Variants in ZNF277 observed in about 807,000 individuals in gnomAD.
The protein encoded by ZNF277 is zinc finger protein 277.
A neutral mutation model predicts 60.7 loss-of-function variants in ZNF277; 55 were observed. The ratio of observed to expected loss-of-function variants is 0.91; its 90% confidence interval spans 0.73 to 1.13. The LOEUF is 1.13. Ranked by LOEUF, ZNF277 falls within the 50% of genes most tolerant of loss-of-function variation. The pLI, the probability that ZNF277 is intolerant of heterozygous loss-of-function variation, is 0.00. For missense variants in ZNF277, 510 were observed against 523.0 expected, an observed-to-expected ratio of 0.98 and a Z score of 0.24; for synonymous variants, 178 against 179.3, an observed-to-expected ratio of 0.99 and a Z score of 0.06.
intron 4 of ZNF277, among the ~76,000 whole-genome samples, chr7:112,303,066 G>A (rs1792515168): frequency 6.6e-6 from 1 of 150,570 alleles, no homozygotes; most frequent in African/African-American, 2.5e-5. Flanking sequence ...TCATGCCTCA[G>A]CCTCCCGAGG....
intron 1 of ZNF277, among the ~76,000 whole-genome samples, chr7:112,242,575 A>T (rs201184798): frequency 0.31 from 40,956 of 133,198 alleles, 6,725 homozygotes; most frequent in East Asian, 0.67. Context: ...AAAAAAAAAC[A>T]AAATAAAATA....
At chr7:112,333,538 C>T (rs1001677130) in intron 7 of ZNF277, among the ~76,000 whole-genome samples, 2 of 152,156 alleles carry the variant, frequency 1.3e-5, no homozygotes, top group Admixed American at 6.5e-5. Context: ...CCACTTCAAA[C>T]GCCATAGACT....
chr7:112,265,722 A>G (rs1227107330), intron 1 of ZNF277, among the ~76,000 whole-genome samples: 2 of 152,180 alleles, frequency 1.3e-5, no homozygotes, highest in Non-Finnish European at 2.9e-5. Flanking sequence ...GAATGGTGAG[A>G]TTATGGGTAT....
chr7:112,300,621 G>C (rs1293605958), intron 4 of ZNF277, among the ~76,000 whole-genome samples: 1 of 152,146 alleles, frequency 6.6e-6, no homozygotes. Context: ...CATGAATTGA[G>C]TTCATCCATA....
intron 1 of ZNF277, among the ~76,000 whole-genome samples, chr7:112,251,191 T>A (rs1791193511): frequency 6.6e-6 from 1 of 152,204 alleles, no homozygotes; most frequent in Non-Finnish European, 1.5e-5. Context: ...TGAATTTTTC[T>A]CTTCTCAGTT....
At chr7:112,268,117 C>T (rs1791589771) in intron 1 of ZNF277, among the ~76,000 whole-genome samples, 1 of 152,118 alleles carries the variant, frequency 6.6e-6, no homozygotes, top group African/African-American at 2.4e-5. Context: ...TAGTAAGTCA[C>T]AGCTTTTCAA....
chr7:112,336,467 C>A (rs535779114), intron 8 of ZNF277, among the ~76,000 whole-genome samples: 100 of 152,236 alleles, frequency 6.6e-4, no homozygotes, highest in African/African-American at 2.3e-3. Flanking sequence ...AGTGCTCAGA[C>A]CTTGAAGTGA....
At chr7:112,337,290 G>T (rs749013812) in intron 8 of ZNF277, among the ~76,000 whole-genome samples, 1 of 152,154 alleles carries the variant, frequency 6.6e-6, no homozygotes. Flanking sequence ...AAAGAGACAC[G>T]GTTTGCCTTT....
In ZNF277 at chr7:112,337,713, C is replaced by T; in HGVS notation, c.870-17C>T. 6.2e-7 allele frequency: 1 copy of T among 1,605,558 alleles called. No homozygotes were observed. Among genetic ancestry groups the T allele is most frequent in the Non-Finnish European group, 8.5e-7 (1 of 1,175,290 alleles). On this transcript the variant is annotated splice_polypyrimidine_tract_variant and intron_variant, in intron 8 of 11. Transcript: ENST00000361822. ...TGAAGGGAATCTCCGTATTTTCTCTCCTCTTTTTTAATTCAGTGACTGGTC... is the reference window on the plus strand; with the variant it reads ...TGAAGGGAATCTCCGTATTTTCTCTTCTCTTTTTTAATTCAGTGACTGGTC...
intron 1 of ZNF277, among the ~76,000 whole-genome samples, chr7:112,244,031 AC>A (rs1791022717): frequency 6.6e-6 from 1 of 152,146 alleles, no homozygotes; most frequent in African/African-American, 2.4e-5. Flanking sequence ...CATTATCTTA[AC>A]TGAAATAACT....
intron 4 of ZNF277, among the ~76,000 whole-genome samples, chr7:112,315,245 A>G (rs1334729435): frequency 2.0e-5 from 3 of 152,136 alleles, no homozygotes; most frequent in Admixed American, 6.6e-5. Flanking sequence ...AGTTAATTTT[A>G]TTCTTAGAAT....
chr7:112,227,013 G>T (rs1822193400), intron 1 of ZNF277, among the ~76,000 whole-genome samples: 1 of 152,158 alleles, frequency 6.6e-6, no homozygotes, highest in Non-Finnish European at 1.5e-5. Flanking sequence ...ACCAGTTGAG[G>T]CAAGCAGAGT....
At chr7:112,323,098 A>G (rs543341303) in intron 5 of ZNF277, among the ~76,000 whole-genome samples, 24 of 152,338 alleles carry the variant, frequency 1.6e-4, no homozygotes, top group Admixed American at 7.8e-4. Flanking sequence ...TCATCAGTTT[A>G]CAGTTCTGGT....
At position 112,265,274 on chromosome 7, in the gene ZNF277, A is replaced by C. The variant is rs150319140; in HGVS notation, c.92-21599A>C. Among the ~76,000 whole-genome samples, 463 of 152,236 alleles carry C rather than the reference A, an allele frequency of 3.0e-3. 3 individuals carry two copies. The highest frequency in any genetic ancestry group is 0.024 in the Admixed American group (373 of 15,282). ...CAGACTTGAGACTCTTCACTTGAACACTTAAAGGCCATTGTAGGATTATTC... is the reference window on the plus strand; with the variant it reads ...CAGACTTGAGACTCTTCACTTGAACCCTTAAAGGCCATTGTAGGATTATTC... On this transcript the variant is annotated intron_variant, in intron 1 of 11. Coordinates refer to ENST00000361822, the MANE Select transcript of ZNF277 (RefSeq NM_021994.3).
chr7:112,261,136 TAA>T (rs1300828231), intron 1 of ZNF277, among the ~76,000 whole-genome samples: 1 of 152,210 alleles, frequency 6.6e-6, no homozygotes, highest in Non-Finnish European at 1.5e-5. Context: ...GGTCAGTTCA[TAA>T]ACTCTATAGA....
In ZNF277 at chr7:112,272,055, A is replaced by G. The variant is rs897355331; in HGVS notation, c.92-14818A>G. ...GCTCTTATTTAATCTAACTATAATTATACCCATTGACCATACTCCCTTCCC... is the reference window on the plus strand; with the variant it reads ...GCTCTTATTTAATCTAACTATAATTGTACCCATTGACCATACTCCCTTCCC... On this transcript the variant is annotated intron_variant, in intron 1 of 11. Coordinates refer to ENST00000361822, the MANE Select transcript of ZNF277 (RefSeq NM_021994.3). 4.6e-5 allele frequency among the ~76,000 whole-genome samples: 7 copies of G among 152,294 alleles called. No homozygotes were observed. In the East Asian group the frequency reaches 1.3e-3, roughly 29 times the overall value.
At chr7:112,318,322 C>T in intron 5 of ZNF277, 49 bp downstream of exon 5, 2 of 1,485,346 alleles carry the variant, frequency 1.3e-6, no homozygotes, top group Non-Finnish European at 9.4e-7. Flanking sequence ...TCTGAAAACT[C>T]ATCAGAACAT....
At chr7:112,252,161 T>C (rs753045299) in intron 1 of ZNF277, among the ~76,000 whole-genome samples, 6 of 152,234 alleles carry the variant, frequency 3.9e-5, no homozygotes, top group Admixed American at 1.3e-4. Flanking sequence ...CCATTATTTA[T>C]GTTTTTCTTA....
intron 1 of ZNF277, among the ~76,000 whole-genome samples, chr7:112,217,900 C>T (rs1030544432): frequency 6.6e-6 from 1 of 152,088 alleles, no homozygotes; most frequent in African/African-American, 2.4e-5. Context: ...CTGGCTCATC[C>T]GGTCTTGTGG....
Sources: gnomAD v4.1 joint callset for allele counts (sites outside exome capture counted in the v4.1 genomes callset) on GRCh38, gnomAD v4.1.1 for gene constraint, MANE v1.5 for transcripts, NCBI Gene and HGNC (gene_info 2026-07-23, HGNC 2026-07-21) for gene names.